Variants in CLDN20 observed in about 807,000 individuals in gnomAD.
The protein encoded by CLDN20 is claudin-20.
For synonymous variants in CLDN20, 104 were observed against 103.6 expected, an observed-to-expected ratio of 1.00 and a Z score of -0.03; for missense variants, 258 against 267.9, an observed-to-expected ratio of 0.96 and a Z score of 0.26.
intron 1 of CLDN20, among the ~76,000 whole-genome samples, chr6:155,275,302 C>T (rs751496887): frequency 2.0e-5 from 3 of 152,180 alleles, no homozygotes; most frequent in Non-Finnish European, 4.4e-5. Context: ...GATACTATAG[C>T]TGGAATTTCA....
chr6:155,272,287 T>C (rs1784955756), intron 1 of CLDN20, among the ~76,000 whole-genome samples: 1 of 152,244 alleles, frequency 6.6e-6, no homozygotes, highest in Non-Finnish European at 1.5e-5. Flanking sequence ...GTAAATCTGC[T>C]TTTAAATATT....
At chr6:155,265,538 C>T (rs1356392434) in intron 1 of CLDN20, among the ~76,000 whole-genome samples, 2 of 151,394 alleles carry the variant, frequency 1.3e-5, no homozygotes, top group East Asian at 1.9e-4. Flanking sequence ...TAGGTCAAAT[C>T]ACTTTAAATT....
At position 155,276,004 on chromosome 6, in the gene CLDN20, C is replaced by G; in HGVS notation, c.285C>G (p.Ile95Met). 6.2e-7 allele frequency: 1 copy of G among 1,614,176 alleles called. No individual in the cohort carries two copies. Among genetic ancestry groups the G allele is most frequent in the Non-Finnish European group, 8.5e-7 (1 of 1,180,034 alleles). The change falls in exon 2 of 2, where the codon ATC becomes ATG. Residue 95 changes from isoleucine (I) to methionine (M), a missense_variant. By Grantham distance (10) the Ile-to-Met change is conservative (BLOSUM62 1). Coordinates refer to ENST00000367165, the MANE Select transcript of CLDN20 (RefSeq NM_001001346.3). ...CGTGTGTTCTGTCTGCTTTGGGGAT[C>G]TGCACTTCCACAGTAGGAATGAAAT... ...VLACVLSALG[I>M]CTSTVGMKCT...
chr6:155,269,324 C>CTTTTTTTTTTTTTTTT (rs60162262), intron 1 of CLDN20, among the ~76,000 whole-genome samples: 2 of 127,268 alleles, frequency 1.6e-5, no homozygotes, highest in Non-Finnish European at 1.6e-5. Context: ...CTTTTCTTTT[C>CTTTTTTTTTTTTTTTT]TTTTTTTTTT....
At chr6:155,269,733 T>A (rs1784838190) in intron 1 of CLDN20, among the ~76,000 whole-genome samples, 1 of 152,250 alleles carries the variant, frequency 6.6e-6, no homozygotes. Context: ...AAATGGTAGA[T>A]AATGTTATTA....
chr6:155,275,788 A>G lies in CLDN20; in HGVS notation c.69A>G (p.Thr23=). ...TATCTGGGGTCTCTGGAGTGCTCAC[A>G]GCCACTCTGCTGCCCAACTGGAAGG... ...LALSGVSGVL[T]ATLLPNWKVN... Residue 23 remains threonine, a synonymous_variant, in exon 2 of 2, where the codon ACA becomes ACG. Coordinates refer to ENST00000367165, the MANE Select transcript of CLDN20 (RefSeq NM_001001346.3). The G allele has an allele frequency of 6.2e-7, 1 of 1,614,120 alleles. No individual in the cohort carries two copies.
At chr6:155,269,324 CTTTTTTT>C (rs60162262) in intron 1 of CLDN20, among the ~76,000 whole-genome samples, 27 of 127,242 alleles carry the variant, frequency 2.1e-4, no homozygotes, top group Admixed American at 1.6e-3. Flanking sequence ...CTTTTCTTTT[CTTTTTTT>C]TTTTTTTTGA....
At chr6:155,270,872 C>T (rs1784886822) in intron 1 of CLDN20, among the ~76,000 whole-genome samples, 2 of 152,300 alleles carry the variant, frequency 1.3e-5, no homozygotes, top group African/African-American at 2.4e-5. Context: ...TCAACTTCTT[C>T]CAGTATTTAT....
chr6:155,275,783 C>T lies in CLDN20; in HGVS notation c.64C>T (p.Leu22Phe), dbSNP rs767133673. The T allele has an allele frequency of 3.7e-6, 6 of 1,614,096 alleles. No individual in the cohort carries two copies. In the Admixed American group the frequency reaches 1.0e-4, roughly 27 times the overall value. ...GGCCTTATCTGGGGTCTCTGGAGTGCTCACAGCCACTCTGCTGCCCAACTG... is the reference window on the plus strand; with the variant it reads ...GGCCTTATCTGGGGTCTCTGGAGTGTTCACAGCCACTCTGCTGCCCAACTG... The part of the protein sequence containing the change: ...ILALSGVSGV[L>F]TATLLPNWKV... The change falls in exon 2 of 2, where the codon CTC becomes TTC. Residue 22 changes from leucine (L) to phenylalanine (F), a missense_variant. Leu to Phe is a conservative substitution (Grantham distance 22). Transcript: ENST00000367165.
intron 1 of CLDN20, among the ~76,000 whole-genome samples, chr6:155,266,136 T>C (rs1583315072): frequency 6.6e-6 from 1 of 152,182 alleles, no homozygotes; most frequent in Non-Finnish European, 1.5e-5. Flanking sequence ...CCAGGATCAA[T>C]ACTTTGTATC....
intron 1 of CLDN20, among the ~76,000 whole-genome samples, chr6:155,271,131 C>T (rs1784896903): frequency 6.6e-6 from 1 of 152,128 alleles, no homozygotes; most frequent in African/African-American, 2.4e-5. Context: ...TTATTTACTA[C>T]TTTTAAAGAA....
chr6:155,268,397 C>A lies in CLDN20; in HGVS notation c.-105+4109C>A, dbSNP rs541740449. Among the ~76,000 whole-genome samples the A allele has an allele frequency of 2.6e-5, 4 of 152,326 alleles. No homozygotes were observed. In the South Asian group the frequency reaches 8.3e-4, roughly 32 times the overall value. ...AGGCTTCTTTGATTAGGGTAGAGGT[C>A]TCTCTCATAAGCCTGTTACTGTGAT... On this transcript the variant is annotated intron_variant, in intron 1 of 1. Transcript: ENST00000367165.
In CLDN20 at chr6:155,275,741, C is replaced by A; in HGVS notation, c.22C>A (p.Leu8Ile). 6.2e-7 allele frequency: 1 copy of A among 1,613,758 alleles called. No individual in the cohort carries two copies. The highest frequency in any genetic ancestry group is 1.1e-5 in the South Asian group (1 of 91,014). MASAGLQLLAFILALSGV... is the reference protein window; with the variant it reads MASAGLQILAFILALSGV... ...CATCATGGCCTCAGCAGGACTCCAG[C>A]TCCTTGCTTTCATCCTGGCCTTATC... Residue 8 changes from leucine to isoleucine, a missense_variant, in exon 2 of 2, where the codon CTC becomes ATC. Physicochemically the swap from Leu to Ile is conservative, Grantham distance 5. Coordinates refer to ENST00000367165, the MANE Select transcript of CLDN20 (RefSeq NM_001001346.3).
chr6:155,269,319 CTTTTCTTTTT>C (rs569435905), intron 1 of CLDN20, among the ~76,000 whole-genome samples: 25 of 98,030 alleles, frequency 2.6e-4, no homozygotes, highest in Non-Finnish European at 5.0e-4. Flanking sequence ...CTTTTCTTTT[CTTTTCTTTTT>C]TTTTTTTTTT....
At chr6:155,269,325 T>TTTTC (rs386409044) in intron 1 of CLDN20, among the ~76,000 whole-genome samples, 15 of 19,756 alleles carry the variant, frequency 7.6e-4, no homozygotes, top group East Asian at 0.071. Context: ...TTTTCTTTTC[T>TTTTC]TTTTTTTTTT....
chr6:155,269,195 T>C (rs1784808531), intron 1 of CLDN20, among the ~76,000 whole-genome samples: 1 of 151,902 alleles, frequency 6.6e-6, no homozygotes, highest in African/African-American at 2.4e-5. Context: ...GGTGGGGCAA[T>C]GCTATGTAGT....
At chr6:155,270,597 T>C (rs1162600621) in intron 1 of CLDN20, among the ~76,000 whole-genome samples, 1 of 152,170 alleles carries the variant, frequency 6.6e-6, no homozygotes, top group Non-Finnish European at 1.5e-5. Flanking sequence ...ATAATCAACA[T>C]GTTTTGAGAA....
At chr6:155,270,826 T>C (rs946093859) in intron 1 of CLDN20, among the ~76,000 whole-genome samples, 12 of 152,218 alleles carry the variant, frequency 7.9e-5, no homozygotes, top group Non-Finnish European at 7.3e-5. Context: ...GCAGCACTAA[T>C]GACACTGCTG....
intron 1 of CLDN20, among the ~76,000 whole-genome samples, chr6:155,273,794 T>C (rs1304441715): frequency 1.3e-5 from 2 of 152,192 alleles, no homozygotes; most frequent in Non-Finnish European, 2.9e-5. Flanking sequence ...GGTGATATCC[T>C]ATCTGAACAT....
Sources: allele counts gnomAD v4.1 joint callset (sites outside exome capture counted in the v4.1 genomes callset), GRCh38; gene constraint gnomAD v4.1.1; transcripts MANE v1.5; gene names NCBI Gene and HGNC (gene_info 2026-07-23, HGNC 2026-07-21).